Variants in DACH2 observed in about 807,000 individuals in gnomAD.
DACH2 encodes the protein dachshund family transcription factor 2, also known as dachshund homolog 2.
DACH2 carries 17 observed loss-of-function variants against 35.8 expected under a neutral mutation model. That is an observed-to-expected ratio of 0.48 (90% CI 0.33 to 0.71). The LOEUF (loss-of-function observed/expected upper bound fraction) is 0.71. DACH2 is among the 30% of genes least tolerant of loss of function. The pLI, the probability that DACH2 is intolerant of heterozygous loss-of-function variation, is 0.02. For synonymous variants in DACH2, 195 were observed against 177.3 expected, an observed-to-expected ratio of 1.10 and a Z score of -0.79; for missense variants, 469 against 472.7, an observed-to-expected ratio of 0.99 and a Z score of 0.07.
At chrX:86,413,260 G>T (rs1025847353) in intron 2 of DACH2, among the ~76,000 whole-genome samples, 7 of 112,117 alleles carry the variant, frequency 6.2e-5, no homozygotes, top group African/African-American at 2.3e-4. Flanking sequence ...AAAAGCAATA[G>T]AAGTCTTTTT....
intron 3 of DACH2, among the ~76,000 whole-genome samples, chrX:86,535,254 G>C (rs1158796548): frequency 9.0e-6 from 1 of 111,725 alleles, no homozygotes; most frequent in East Asian, 2.8e-4. Flanking sequence ...AATTGTATAT[G>C]ATATGATCCT....
At chrX:86,533,117 A>G (rs1273567950) in intron 3 of DACH2, among the ~76,000 whole-genome samples, 1 of 110,696 alleles carries the variant, frequency 9.0e-6, no homozygotes, top group Non-Finnish European at 1.9e-5. Flanking sequence ...TGGCATAGTC[A>G]TAGCTCACTG....
chrX:86,379,767 G>A (rs1161795807), intron 2 of DACH2, among the ~76,000 whole-genome samples: 1 of 110,988 alleles, frequency 9.0e-6, no homozygotes, highest in Non-Finnish European at 1.9e-5. Context: ...ACACGTGAAA[G>A]ATGAGAAATT....
At chrX:86,322,620 C>T (rs1409395735) in intron 1 of DACH2, among the ~76,000 whole-genome samples, 1 of 111,930 alleles carries the variant, frequency 8.9e-6, no homozygotes, top group Non-Finnish European at 1.9e-5. Flanking sequence ...CCTTTGACCT[C>T]CACGACTTGT....
At chrX:86,319,143 C>T (rs989504195) in intron 1 of DACH2, among the ~76,000 whole-genome samples, 1 of 111,512 alleles carries the variant, frequency 9.0e-6, no homozygotes, top group Non-Finnish European at 1.9e-5. Flanking sequence ...AACCTTGTTG[C>T]GCTTTTATTT....
chrX:86,309,357 G>C (rs908498013), intron 1 of DACH2, among the ~76,000 whole-genome samples: 1 of 112,371 alleles, frequency 8.9e-6, no homozygotes, highest in African/African-American at 3.2e-5. Context: ...ACCATTGACT[G>C]CACAAATGCC....
intron 3 of DACH2, among the ~76,000 whole-genome samples, chrX:86,641,557 C>A (rs2040347267): frequency 8.9e-6 from 1 of 111,827 alleles, no homozygotes; most frequent in African/African-American, 3.3e-5. Context: ...GAAAACTTCC[C>A]AACCTTGCTA....
intron 3 of DACH2, among the ~76,000 whole-genome samples, chrX:86,568,754 G>A (rs961754793): frequency 1.7e-4 from 19 of 111,218 alleles, no homozygotes; most frequent in African/African-American, 5.9e-4. Context: ...AAAGCTATAT[G>A]CTAGACACTA....
At chrX:86,502,641 G>A (rs2038267818) in intron 2 of DACH2, among the ~76,000 whole-genome samples, 1 of 111,263 alleles carries the variant, frequency 9.0e-6, no homozygotes, top group South Asian at 3.8e-4. Context: ...TTGCCTTCAG[G>A]GAATGTTATT....
At chrX:86,593,608 G>A (rs1393737249) in intron 3 of DACH2, among the ~76,000 whole-genome samples, 1 of 107,890 alleles carries the variant, frequency 9.3e-6, no homozygotes, top group African/African-American at 3.4e-5. Flanking sequence ...TGTACTTTTT[G>A]TAGAGATGGG....
At chrX:86,496,965 G>C (rs1198170083) in intron 2 of DACH2, among the ~76,000 whole-genome samples, 1 of 111,917 alleles carries the variant, frequency 8.9e-6, no homozygotes, top group Non-Finnish European at 1.9e-5. Flanking sequence ...GGAAGGTGAA[G>C]GTTAATGAAA....
chrX:86,564,490 G>A (rs2039269038), intron 3 of DACH2, among the ~76,000 whole-genome samples: 1 of 111,153 alleles, frequency 9.0e-6, no homozygotes, highest in Non-Finnish European at 1.9e-5. Flanking sequence ...GCTACAGTGG[G>A]GAGTTAATTA....
chrX:86,711,456 T>A (rs1311006039), intron 5 of DACH2, among the ~76,000 whole-genome samples: 2 of 112,287 alleles, frequency 1.8e-5, no homozygotes, highest in Non-Finnish European at 3.8e-5. Flanking sequence ...TTGCATAATG[T>A]CCGCGAAGTC....
rs370674582 is a variant in DACH2 at position 86,290,904 on chromosome X, G to A, written c.489-85920G>A. ...TGGCTTAGGATTGACTTGGCGATGC[G>A]GGCTCTTTTTTGGTTCCACATGAAC... On this transcript the variant is annotated intron_variant, in intron 1 of 11. Coordinates refer to ENST00000373125, the MANE Select transcript of DACH2 (RefSeq NM_053281.3). 4.3e-4 allele frequency among the ~76,000 whole-genome samples: 47 copies of A among 108,082 alleles called. 3 individuals carry two copies. Among genetic ancestry groups the A allele is most frequent in the Admixed American group, 2.8e-3 (28 of 9,955 alleles). 93.9% of individuals were successfully genotyped at this position (108,082 alleles called of 115,157 possible). A position where few individuals can be genotyped will look rare whatever the true frequency, so the allele number is the denominator to read the frequency against.
intron 4 of DACH2, among the ~76,000 whole-genome samples, chrX:86,654,187 TAAA>T (rs764775335): frequency 0.078 from 3,150 of 40,338 alleles, 111 homozygotes; most frequent in East Asian, 0.16. Context: ...ACATTTTTAG[TAAA>T]AAAAAAAAAA....
chrX:86,271,051 A>G (rs973524304), intron 1 of DACH2, among the ~76,000 whole-genome samples: 1 of 112,180 alleles, frequency 8.9e-6, no homozygotes, highest in Non-Finnish European at 1.9e-5. Context: ...GAAATATAAG[A>G]CATTTTGGCA....
chrX:86,794,255 A>G (rs900441647), intron 7 of DACH2, among the ~76,000 whole-genome samples: 5 of 110,848 alleles, frequency 4.5e-5, no homozygotes, highest in Non-Finnish European at 9.4e-5. Flanking sequence ...TGAACAGGGT[A>G]TACAGCTTTG....
At chrX:86,594,899 G>A (rs771019002) in intron 3 of DACH2, among the ~76,000 whole-genome samples, 1 of 111,473 alleles carries the variant, frequency 9.0e-6, no homozygotes, top group Non-Finnish European at 1.9e-5. Flanking sequence ...ATAACAATGG[G>A]TTCATTTTTT....
chrX:86,390,800 G>A (rs2036189677), intron 2 of DACH2, among the ~76,000 whole-genome samples: 1 of 108,849 alleles, frequency 9.2e-6, no homozygotes, highest in Admixed American at 9.9e-5. Flanking sequence ...ATATTGACCA[G>A]GCTGGTCTTG....
Sources: allele counts gnomAD v4.1 joint callset (sites outside exome capture counted in the v4.1 genomes callset), GRCh38; gene constraint gnomAD v4.1.1; transcripts MANE v1.5; gene names NCBI Gene and HGNC (gene_info 2026-07-23, HGNC 2026-07-21).